The following PLD1 variants were observed in gnomAD, a reference collection of about 807,000 sequenced individuals.
PLD1 encodes the protein phospholipase D1.
In PLD1, 112 loss-of-function variants were observed where a neutral mutation model predicts 137.1. That is an observed-to-expected ratio of 0.82 (90% CI 0.70 to 0.96). The LOEUF is 0.96. Among genes scored for constraint, PLD1 ranks in the 40% least tolerant of loss-of-function variants. The pLI is 0.00. For synonymous variants in PLD1, 431 were observed against 454.7 expected, an observed-to-expected ratio of 0.95 and a Z score of 0.66; for missense variants, 1,321 against 1,342.0, an observed-to-expected ratio of 0.98 and a Z score of 0.24.
chr3:171,709,574 A>T lies in PLD1; in HGVS notation c.1047T>A (p.Asn349Lys). The T allele has an allele frequency of 6.2e-7, 1 of 1,613,892 alleles. No homozygotes were observed. The highest frequency in any genetic ancestry group is 8.5e-7 in the Non-Finnish European group (1 of 1,179,874). Reference protein sequence around the residue: ...RFGSYAAIQENALAKWYVNAK... With the variant: ...RFGSYAAIQEKALAKWYVNAK... ...TAATAACTTACCATTTAGCTAAAGCATTCTCTTGGATAGCAGCATATGACC... is the reference window on the plus strand; with the variant it reads ...TAATAACTTACCATTTAGCTAAAGCTTTCTCTTGGATAGCAGCATATGACC... Residue 349 changes from asparagine (N) to lysine (K), a missense_variant, in exon 10 of 27, where the codon AAT (asparagine) becomes AAA (lysine). Asn to Lys is a moderately conservative substitution (Grantham distance 94). Transcript: ENST00000351298.
intron 16 of PLD1, among the ~76,000 whole-genome samples, chr3:171,679,989 G>A (rs1468237262): frequency 3.9e-5 from 6 of 152,110 alleles, no homozygotes; most frequent in Admixed American, 3.9e-4. Flanking sequence ...GATTTGTCAG[G>A]CCAATTTTCT....
At chr3:171,750,986 G>A (rs781055926) in intron 1 of PLD1, among the ~76,000 whole-genome samples, 3 of 151,870 alleles carry the variant, frequency 2.0e-5, no homozygotes, top group Non-Finnish European at 4.4e-5. Flanking sequence ...AACCAAGTAG[G>A]GACCCCCCCC....
Position 171,676,802 on chromosome 3 carries a change from C to T in PLD1, c.2028G>A (p.Met676Ile). ...DFIDRYSTPR[M>I]PWHDIASAVH... is the part of the protein sequence containing the mutation. ...CTGCAGAGGCAATGTCATGCCAGGG[C>T]ATCCGGGGCGTGGAGTACCTGTCAA... Residue 676 changes from methionine (M) to isoleucine (I), a missense_variant, in exon 18 of 27, where the codon ATG (methionine) becomes ATA (isoleucine). Physicochemically the swap from Met to Ile is conservative, Grantham distance 10. Coordinates refer to ENST00000351298, the MANE Select transcript of PLD1 (RefSeq NM_002662.5). The T allele has an allele frequency of 6.2e-7, 1 of 1,614,114 alleles. No homozygotes were observed. Among genetic ancestry groups the T allele is most frequent in the Non-Finnish European group, 8.5e-7 (1 of 1,179,958 alleles).
chr3:171,642,853 C>T lies in PLD1; in HGVS notation c.2580G>A (p.Gln860=). ...MCRGENSILG[Q]LKAELGNQWI... Reference sequence around the variant, plus strand: ...GCAGTTACTTACGCTCTGCTTTTAACTGTCCAAGGATGGAATTTTCTCCTC... The same window carrying T: ...GCAGTTACTTACGCTCTGCTTTTAATTGTCCAAGGATGGAATTTTCTCCTC... Residue 860 remains glutamine (Q), a synonymous_variant, in exon 23 of 27, where the codon CAG becomes CAA. Transcript: ENST00000351298. 1 of 1,583,728 alleles carries T rather than the reference C, an allele frequency of 6.3e-7. No homozygotes were observed. Among genetic ancestry groups the T allele is most frequent in the Non-Finnish European group, 8.6e-7 (1 of 1,160,770 alleles).
At chr3:171,799,359 A>C (rs2108357736) in intron 1 of PLD1, among the ~76,000 whole-genome samples, 1 of 151,190 alleles carries the variant, frequency 6.6e-6, no homozygotes, top group South Asian at 2.1e-4. Flanking sequence ...AAAAAAAAAA[A>C]AAAGAGGAAA....
intron 5 of PLD1, among the ~76,000 whole-genome samples, chr3:171,734,529 G>A (rs925371309): frequency 6.6e-6 from 1 of 152,096 alleles, no homozygotes; most frequent in African/African-American, 2.4e-5. Flanking sequence ...ACTTATGTAT[G>A]GAAAATATTA....
At chr3:171,744,554 G>A (rs1720011859) in intron 1 of PLD1, among the ~76,000 whole-genome samples, 1 of 152,148 alleles carries the variant, frequency 6.6e-6, no homozygotes, top group South Asian at 2.1e-4. Flanking sequence ...CCTCCACGTG[G>A]CCTAATGCTG....
At chr3:171,667,458 C>T (rs1712263162) in intron 19 of PLD1, among the ~76,000 whole-genome samples, 1 of 152,090 alleles carries the variant, frequency 6.6e-6, no homozygotes, top group African/African-American at 2.4e-5. Flanking sequence ...AATTTTGAGG[C>T]TGAAGGACAG....
At chr3:171,689,795 C>A (rs1324348883) in intron 13 of PLD1, among the ~76,000 whole-genome samples, 1 of 152,226 alleles carries the variant, frequency 6.6e-6, no homozygotes, top group Non-Finnish European at 1.5e-5. Flanking sequence ...AGCCACCATA[C>A]CTGGCCTTAC....
chr3:171,684,495 G>T (rs1288243234), intron 16 of PLD1, among the ~76,000 whole-genome samples: 1 of 152,062 alleles, frequency 6.6e-6, no homozygotes, highest in African/African-American at 2.4e-5. Flanking sequence ...ACTGGGAGTT[G>T]TCCCTGAATC....
Position 171,770,888 on chromosome 3 carries a change from C to CAAAAAAAAAAAAAAAAAAAA in PLD1, c.-31-32826_-31-32807dup, listed in dbSNP as rs34683994. ...TTGGTGACAGAGCAAAACCCTATCT[C>CAAAAAAAAAAAAAAAAAAAA]AAAAAAAAAAAAAAAAAAAAAAAGG... On this transcript the variant is annotated intron_variant, in intron 1 of 26. Coordinates refer to ENST00000351298, the MANE Select transcript of PLD1 (RefSeq NM_002662.5). Among the ~76,000 whole-genome samples, 35 of 40,874 alleles carry CAAAAAAAAAAAAAAAAAAAA rather than the reference C, an allele frequency of 8.6e-4. 1 individual carries two copies. The highest frequency in any genetic ancestry group is 2.6e-3 in the African/African-American group (33 of 12,598). The allele number at this position is 40,874 out of a possible 152,430, so 26.8% of individuals were successfully genotyped here. A position where few individuals can be genotyped will look rare whatever the true frequency, so the allele number is the denominator to read the frequency against.
At chr3:171,657,024 T>C (rs185106817) in intron 21 of PLD1, among the ~76,000 whole-genome samples, 1 of 152,284 alleles carries the variant, frequency 6.6e-6, no homozygotes, top group East Asian at 1.9e-4. Flanking sequence ...ACTAGAGTCA[T>C]GTGGTGTGAG....
At chr3:171,784,534 T>C (rs997029308) in intron 1 of PLD1, among the ~76,000 whole-genome samples, 2 of 152,208 alleles carry the variant, frequency 1.3e-5, no homozygotes, top group Non-Finnish European at 2.9e-5. Flanking sequence ...TCTCTTATCA[T>C]TCCCCTGCAC....
At chr3:171,698,055 A>C (rs1715913535) in intron 12 of PLD1, among the ~76,000 whole-genome samples, 1 of 152,236 alleles carries the variant, frequency 6.6e-6, no homozygotes. Flanking sequence ...AAAATGTACT[A>C]AAATAGAATC....
rs561487309 is a variant in PLD1 at position 171,743,596 on chromosome 3, C to G, written c.-31-5514G>C. Among the ~76,000 whole-genome samples the G allele has an allele frequency of 2.9e-3, 447 of 152,332 alleles. 2 individuals are homozygous for G. The highest frequency in any genetic ancestry group is 0.01 in the African/African-American group (433 of 41,576). Reference sequence around the variant, plus strand: ...CTCCACTTTTCTCACAACAGTGGCTCCTGCTCCCTTTGAGGTCCGGCATCC... The same window carrying G: ...CTCCACTTTTCTCACAACAGTGGCTGCTGCTCCCTTTGAGGTCCGGCATCC... On this transcript the variant is annotated intron_variant, in intron 1 of 26. Transcript: ENST00000351298.
intron 1 of PLD1, among the ~76,000 whole-genome samples, chr3:171,745,806 C>T (rs2108279420): frequency 6.6e-6 from 1 of 152,298 alleles, no homozygotes; most frequent in Non-Finnish European, 1.5e-5. Flanking sequence ...AGGAGCCCTT[C>T]AGCCCACCGC....
intron 1 of PLD1, among the ~76,000 whole-genome samples, chr3:171,751,675 T>G (rs1720670131): frequency 6.6e-6 from 1 of 152,206 alleles, no homozygotes; most frequent in African/African-American, 2.4e-5. Context: ...GGAACTCTCA[T>G]GCACTGCTGT....
At chr3:171,678,575 C>T (rs1046816057) in intron 16 of PLD1, among the ~76,000 whole-genome samples, 2 of 152,192 alleles carry the variant, frequency 1.3e-5, no homozygotes, top group African/African-American at 4.8e-5. Context: ...CAAATAGACA[C>T]TGAATGCAAA....
intron 23 of PLD1, among the ~76,000 whole-genome samples, chr3:171,637,233 T>C (rs1422457889): frequency 6.6e-6 from 1 of 152,194 alleles, no homozygotes; most frequent in East Asian, 1.9e-4. Context: ...GATTGATCTG[T>C]GGCTTTCTTT....
Sources: allele counts gnomAD v4.1 joint callset (sites outside exome capture counted in the v4.1 genomes callset), GRCh38; gene constraint gnomAD v4.1.1; transcripts MANE v1.5; gene names NCBI Gene and HGNC (gene_info 2026-07-23, HGNC 2026-07-21).